Variants in ADAMTSL2 observed in about 807,000 individuals in gnomAD.
ADAMTSL2 encodes the protein ADAMTS like 2, also known as ADAMTS-like protein 2.
Under a neutral mutation model 117.0 loss-of-function variants are expected in ADAMTSL2, and 55 were observed. That is an observed-to-expected ratio of 0.47 (90% CI 0.38 to 0.59). The LOEUF (loss-of-function observed/expected upper bound fraction) is 0.59, where lower values mean the gene tolerates loss of function less well. Ranked by LOEUF, ADAMTSL2 falls within the 20% of genes least tolerant of loss-of-function variation. The pLI, the probability that ADAMTSL2 is intolerant of heterozygous loss-of-function variation, is 0.00. For missense variants in ADAMTSL2, 1,182 were observed against 1,354.5 expected, an observed-to-expected ratio of 0.87 and a Z score of 2.00; for synonymous variants, 572 against 566.4, an observed-to-expected ratio of 1.01 and a Z score of -0.14.
At chr9:133,572,540 T>A (rs1831131776) in intron 17 of ADAMTSL2, among the ~76,000 whole-genome samples, 1 of 152,088 alleles carries the variant, frequency 6.6e-6, no homozygotes, top group Non-Finnish European at 1.5e-5. Context: ...GAGCACTAGC[T>A]TCAGATGGGG....
intron 7 of ADAMTSL2, 70 bp downstream of exon 7, chr9:133,541,071 T>C (rs1830212061): frequency 1.8e-5 from 28 of 1,562,028 alleles, no homozygotes; most frequent in Non-Finnish European, 2.3e-5. Flanking sequence ...AGTGTGCTCC[T>C]GTCTGCAGCC....
Position 133,574,131 on chromosome 9 carries a change from G to C in ADAMTSL2, c.2737+144G>C, listed in dbSNP as rs1268517628. 8.8e-6 allele frequency: 10 copies of C among 1,131,824 alleles called. No individual in the cohort carries two copies. In the Admixed American group the frequency reaches 1.7e-4, roughly 19 times the overall value. The allele number at this position is 1,131,824 out of a possible 1,614,324, so 70.1% of individuals were successfully genotyped here. ...TGAGAGACCAAGCTGTGCAGGGAGT[G>C]GGGGCTCCCTCCCGGCATGGCCGAG... On this transcript the variant is annotated intron_variant, in intron 18 of 18. Transcript: ENST00000651351.
In ADAMTSL2 at chr9:133,536,458, C is replaced by T. The variant is rs563146559; in HGVS notation, c.-150-105C>T. The stretch of plus-strand genomic sequence containing the variant: ...TCAAGGGTGGCACAGGCTTAGCACG[C>T]ACACCGCCGCTGGGTGTCTTGCCTG... On this transcript the variant is annotated intron_variant, in intron 1 of 18. Coordinates refer to ENST00000651351, the MANE Select transcript of ADAMTSL2 (RefSeq NM_014694.4). 32 of 1,444,544 alleles carry T rather than the reference C, an allele frequency of 2.2e-5. No individual in the cohort carries two copies. In the South Asian group the frequency reaches 4.6e-4, roughly 21 times the overall value. 89.5% of individuals were successfully genotyped at this position (1,444,544 alleles called of 1,614,324 possible).
At chr9:133,555,161 CTG>C (rs1437196989) in intron 10 of ADAMTSL2, among the ~76,000 whole-genome samples, 8 of 152,168 alleles carry the variant, frequency 5.3e-5, no homozygotes, top group African/African-American at 1.9e-4. Flanking sequence ...GCCTCCTCCT[CTG>C]TGCCGGTGTC....
intron 13 of ADAMTSL2, 118 bp from the exon 14 acceptor site, chr9:133,568,155 C>A (rs1021292158): frequency 1.9e-6 from 2 of 1,054,072 alleles, no homozygotes; most frequent in Non-Finnish European, 1.4e-6. Context: ...TTGTTGTGTG[C>A]GGTTTTGGAC....
intron 9 of ADAMTSL2, among the ~76,000 whole-genome samples, chr9:133,547,599 G>T (rs780648527): frequency 6.6e-6 from 1 of 152,206 alleles, no homozygotes; most frequent in Non-Finnish European, 1.5e-5. Context: ...CGGGGGTTCC[G>T]TGCTGGCCCA....
At position 133,575,303 on chromosome 9, in the gene ADAMTSL2, C is replaced by T. The variant is rs1247638854; in HGVS notation, c.*439C>T. On this transcript the variant is annotated 3_prime_UTR_variant, in exon 19 of 19. Transcript: ENST00000651351. Reference sequence around the variant, plus strand: ...AACGTGGTGGGGGGCCTTCCTCCCTCAGAGGCCATGGGGTGAGAGGGGCTC... The same window carrying T: ...AACGTGGTGGGGGGCCTTCCTCCCTTAGAGGCCATGGGGTGAGAGGGGCTC... 7.3e-5 allele frequency: 17 copies of T among 233,380 alleles called. No homozygotes were observed. The highest frequency in any genetic ancestry group is 8.6e-6 in the Non-Finnish European group (1 of 116,378). 14.5% of individuals were successfully genotyped at this position (233,380 alleles called of 1,614,324 possible).
At chr9:133,562,286 A>G (rs1830746330) in intron 12 of ADAMTSL2, among the ~76,000 whole-genome samples, 3 of 152,180 alleles carry the variant, frequency 2.0e-5, no homozygotes, top group African/African-American at 7.2e-5. Flanking sequence ...CTCTGCTCAC[A>G]CTGGCCTTGC....
In ADAMTSL2 at chr9:133,573,976, C is replaced by A. The variant is rs1311176990; in HGVS notation, c.2726C>A (p.Thr909Lys). 1 of 1,613,402 alleles carries A rather than the reference C, an allele frequency of 6.2e-7. No homozygotes were observed. Among genetic ancestry groups the A allele is most frequent in the Non-Finnish European group, 8.5e-7 (1 of 1,179,844 alleles). ...GCCTGTGATCTGCAGCCCTGCCCCACGGAGCCCCCAGGTGAGGCGCGGGGA... is the reference window on the plus strand; with the variant it reads ...GCCTGTGATCTGCAGCCCTGCCCCAAGGAGCCCCCAGGTGAGGCGCGGGGA... ...RQACDLQPCP[T>K]EPPDDSCQDQ... The change falls in exon 18 of 19, where the codon ACG (threonine) becomes AAG (lysine). Residue 909 changes from threonine (T) to lysine (K), a missense_variant. Thr to Lys is a moderately conservative substitution (Grantham distance 78). Coordinates refer to ENST00000651351, the MANE Select transcript of ADAMTSL2 (RefSeq NM_014694.4).
chr9:133,562,424 G>A (rs1246649876), intron 12 of ADAMTSL2, among the ~76,000 whole-genome samples: 2 of 151,518 alleles, frequency 1.3e-5, no homozygotes, highest in East Asian at 1.9e-4. Flanking sequence ...TGCTGTGGGC[G>A]GCGTGGCGGG....
chr9:133,536,089 T>G (rs996873411), intron 1 of ADAMTSL2, among the ~76,000 whole-genome samples: 4 of 152,206 alleles, frequency 2.6e-5, no homozygotes, highest in Non-Finnish European at 5.9e-5. Flanking sequence ...CTGCCTCACC[T>G]GAGTGCCGGC....
chr9:133,561,685 C>T (rs1172422069), intron 12 of ADAMTSL2, among the ~76,000 whole-genome samples: 4 of 152,144 alleles, frequency 2.6e-5, no homozygotes, highest in Non-Finnish European at 2.9e-5. Flanking sequence ...GTCATAGGCC[C>T]CTGTGATCTG....
In ADAMTSL2 at chr9:133,565,839, C is replaced by CCACACACACACA. The variant is rs71281253; in HGVS notation, c.1748-1072_1748-1061dup. On this transcript the variant is annotated intron_variant, in intron 12 of 18. Coordinates refer to ENST00000651351, the MANE Select transcript of ADAMTSL2 (RefSeq NM_014694.4). ...GGAAGGCTGGGTCTGTCTCCCGTGG[C>CCACACACACACA]CACACACACACACACACACACACAC... is the stretch of plus-strand genomic sequence containing the variant. Among the ~76,000 whole-genome samples, 26 of 144,048 alleles carry CCACACACACACA rather than the reference C, an allele frequency of 1.8e-4. 1 individual carries two copies. The highest frequency in any genetic ancestry group is 5.7e-4 in the African/African-American group (22 of 38,906). The allele number at this position is 144,048 out of a possible 152,430, so 94.5% of individuals were successfully genotyped here.
intron 7 of ADAMTSL2, among the ~76,000 whole-genome samples, chr9:133,542,516 C>T (rs1011102272): frequency 1.3e-5 from 2 of 152,212 alleles, no homozygotes; most frequent in African/African-American, 2.4e-5. Context: ...CTCATGTCCT[C>T]GTGGAACTCA....
intron 1 of ADAMTSL2, among the ~76,000 whole-genome samples, chr9:133,535,860 G>A (rs1830038792): frequency 2.6e-5 from 4 of 152,156 alleles, no homozygotes; most frequent in Admixed American, 6.5e-5. Flanking sequence ...GAGGGGGTGG[G>A]GAGAGCTGAG....
At chr9:133,567,119 C>A in intron 13 of ADAMTSL2, 57 bp downstream of exon 13, 3 of 1,562,428 alleles carry the variant, frequency 1.9e-6, no homozygotes, top group Non-Finnish European at 2.6e-6. Context: ...AGGGGCTCTG[C>A]CCAAAGGAGC....
At chr9:133,569,138 C>A (rs956279235) in intron 15 of ADAMTSL2, among the ~76,000 whole-genome samples, 1 of 151,986 alleles carries the variant, frequency 6.6e-6, no homozygotes, top group Admixed American at 6.6e-5. Flanking sequence ...TCTCTCTCAT[C>A]GAGAGAGATG....
intron 9 of ADAMTSL2, among the ~76,000 whole-genome samples, chr9:133,548,258 C>T (rs373211217): frequency 5.6e-4 from 85 of 152,346 alleles, no homozygotes; most frequent in African/African-American, 2.0e-3. Flanking sequence ...CTTTGTTTAG[C>T]TGCTGTGCTG....
At chr9:133,559,574 G>C (rs1257418945) in intron 11 of ADAMTSL2, among the ~76,000 whole-genome samples, 2 of 149,852 alleles carry the variant, frequency 1.3e-5, no homozygotes, top group African/African-American at 2.5e-5. Context: ...GGATGGTCTC[G>C]ATCTCCTGAC....
Sources: allele counts gnomAD v4.1 joint callset (sites outside exome capture counted in the v4.1 genomes callset), GRCh38; gene constraint gnomAD v4.1.1; transcripts MANE v1.5; gene names NCBI Gene and HGNC (gene_info 2026-07-23, HGNC 2026-07-21).